Variants in PXT1 observed in about 807,000 individuals in gnomAD.
The protein encoded by PXT1 is peroxisomal testis enriched protein 1.
PXT1 carries 11 observed loss-of-function variants against 11.0 expected under a neutral mutation model. The ratio of observed to expected loss-of-function variants is 1.00; its 90% CI spans 0.63 to 1.66. The LOEUF (loss-of-function observed/expected upper bound fraction) is 1.66. Among genes scored for constraint, PXT1 ranks in the 40% most tolerant of loss-of-function variants. The probability of loss-of-function intolerance (pLI) is 0.00; values close to 1 mark genes in which losing one functional copy is unlikely to be tolerated. For missense variants in PXT1, 141 were observed against 155.5 expected (o/e 0.91, Z 0.49); for synonymous variants, 43 against 51.4 (o/e 0.84, Z 0.70).
At chr6:36,422,498 A>G (rs1438430434) in intron 3 of PXT1, among the ~76,000 whole-genome samples, 1 of 152,182 alleles carries the variant, frequency 6.6e-6, no homozygotes, top group Non-Finnish European at 1.5e-5. Context: ...TAACATTGAT[A>G]TGTGCAATTA....
chr6:36,441,987 T>C (rs1039712439), intron 1 of PXT1, among the ~76,000 whole-genome samples: 1 of 152,126 alleles, frequency 6.6e-6, no homozygotes, highest in African/African-American at 2.4e-5. Context: ...ATTTTAAAAT[T>C]TGTGCTATTA....
chr6:36,397,214 G>A (rs1054696339), intron 4 of PXT1, among the ~76,000 whole-genome samples: 5 of 152,118 alleles, frequency 3.3e-5, no homozygotes, highest in East Asian at 1.9e-4. Context: ...AGAGGTTTCC[G>A]GCCAGAAAAT....
chr6:36,423,535 C>G (rs893106548), intron 3 of PXT1, among the ~76,000 whole-genome samples: 7 of 152,224 alleles, frequency 4.6e-5, no homozygotes, highest in Admixed American at 4.6e-4. Context: ...CTGGCGGGAG[C>G]GGGAGTTAGG....
At chr6:36,400,267 C>T (rs1657279602) in intron 4 of PXT1, among the ~76,000 whole-genome samples, 187 bp downstream of exon 4, 1 of 152,170 alleles carries the variant, frequency 6.6e-6, no homozygotes, top group South Asian at 2.1e-4. Context: ...GTCTGAGTAG[C>T]AAGTATGAGA....
intron 3 of PXT1, among the ~76,000 whole-genome samples, chr6:36,403,229 T>C (rs1262816875): frequency 6.6e-6 from 1 of 152,242 alleles, no homozygotes; most frequent in East Asian, 1.9e-4. Flanking sequence ...TTTAGAGCAG[T>C]TGAGTAACTT....
At chr6:36,439,567 C>T (rs1774824819) in intron 1 of PXT1, among the ~76,000 whole-genome samples, 1 of 149,370 alleles carries the variant, frequency 6.7e-6, no homozygotes, top group African/African-American at 2.5e-5. Context: ...GAACAGAGAT[C>T]ACGCCATTGC....
chr6:36,438,755 G>A lies in PXT1; in HGVS notation c.-10+12C>T, dbSNP rs769796105. On this transcript the variant is annotated intron_variant, in intron 2 of 4. Coordinates refer to ENST00000454782, the MANE Select transcript of PXT1 (RefSeq NM_152990.4). ...GCAACACCATGTTTTAATGCAGTAA[G>A]TTCAGACTTACTTTTCCAAGTATGT... The A allele has an allele frequency of 3.3e-5, 5 of 152,284 alleles. No homozygotes were observed. The highest frequency in any genetic ancestry group is 6.5e-5 in the Admixed American group (1 of 15,298). The allele number at this position is 152,284 out of a possible 1,614,324, so 9.4% of individuals were successfully genotyped here. A position where few individuals can be genotyped will look rare whatever the true frequency, so the allele number is the denominator to read the frequency against.
chr6:36,402,860 A>G (rs1774232839), intron 3 of PXT1, among the ~76,000 whole-genome samples: 1 of 152,220 alleles, frequency 6.6e-6, no homozygotes, highest in Non-Finnish European at 1.5e-5. Flanking sequence ...CCCAATGCTC[A>G]GGCCTCTCTC....
At chr6:36,413,424 A>G (rs954516945) in intron 3 of PXT1, among the ~76,000 whole-genome samples, 2 of 150,554 alleles carry the variant, frequency 1.3e-5, no homozygotes, top group African/African-American at 2.4e-5. Context: ...CTCAAAAAAA[A>G]TAAGAAAGAA....
At chr6:36,429,503 C>CTTTT (rs1774658180) in intron 2 of PXT1, among the ~76,000 whole-genome samples, 7 of 104,216 alleles carry the variant, frequency 6.7e-5, no homozygotes, top group African/African-American at 1.3e-4. Context: ...TTCTTTTTTT[C>CTTTT]TTTTCTTTTT....
intron 4 of PXT1, among the ~76,000 whole-genome samples, chr6:36,392,184 T>A (rs910130211): frequency 2.6e-5 from 4 of 152,170 alleles, no homozygotes; most frequent in African/African-American, 9.7e-5. Context: ...CATGCCACCA[T>A]GTCTGGCTAA....
chr6:36,395,079 C>T (rs1372793319), intron 4 of PXT1, among the ~76,000 whole-genome samples: 1 of 152,054 alleles, frequency 6.6e-6, no homozygotes, highest in Non-Finnish European at 1.5e-5. Context: ...CTGGCCTCAG[C>T]CTCCCAACGT....
chr6:36,429,608 C>T (rs1774662113), intron 2 of PXT1, among the ~76,000 whole-genome samples: 2 of 146,912 alleles, frequency 1.4e-5, no homozygotes, highest in Admixed American at 1.4e-4. Flanking sequence ...CAGGTTCAAG[C>T]GATTCTTCTG....
rs1444553747 is a variant in PXT1 at position 36,391,608 on chromosome 6, G to A, written c.*162C>T. ...GCTCCTCCGAAGAGACAAATGGCTC[G>A]TGAACCCGCAGTTCTTCAACAAACT... is the stretch of plus-strand genomic sequence containing the variant. On this transcript the variant is annotated 3_prime_UTR_variant, in exon 5 of 5. Transcript: ENST00000454782. The A allele has an allele frequency of 1.8e-5, 12 of 648,696 alleles. No homozygotes were observed. Among genetic ancestry groups the A allele is most frequent in the Admixed American group, 5.7e-5 (2 of 35,266 alleles). 40.2% of individuals were successfully genotyped at this position (648,696 alleles called of 1,614,324 possible).
intron 3 of PXT1, among the ~76,000 whole-genome samples, chr6:36,401,970 A>G (rs1774221223): frequency 6.7e-6 from 1 of 148,906 alleles, no homozygotes; most frequent in Non-Finnish European, 1.5e-5. Flanking sequence ...ATATATATAT[A>G]TATGTATATA....
Position 36,426,074 on chromosome 6 carries a change from TTTC to T in PXT1, c.6_8del (p.Lys4del). On this transcript the variant is annotated inframe_deletion, in exon 3 of 5. Coordinates refer to ENST00000454782, the MANE Select transcript of PXT1 (RefSeq NM_152990.4). ...TTTCATAAACAATGCCATCATGTTT[TTTC>T]TTCATGTTTTTTCCCTGTTGAAAAA... 6.6e-7 allele frequency: 1 copy of T among 1,508,338 alleles called. No homozygotes were observed. Among genetic ancestry groups the T allele is most frequent in the Non-Finnish European group, 8.8e-7 (1 of 1,133,862 alleles). 93.4% of individuals were successfully genotyped at this position (1,508,338 alleles called of 1,614,324 possible). A position where few individuals can be genotyped will look rare whatever the true frequency, so the allele number is the denominator to read the frequency against.
rs955210693 is a variant in PXT1, at chr6:36,441,353, G to A, written c.-130+1182C>T. 1.4e-4 allele frequency among the ~76,000 whole-genome samples: 22 copies of A among 152,152 alleles called. 1 individual carries two copies. The highest frequency in any genetic ancestry group is 1.8e-4 in the Non-Finnish European group (12 of 68,042). On this transcript the variant is annotated intron_variant, in intron 1 of 4. Transcript: ENST00000454782. ...TATAACTCACTCAAATTGGTTTATA[G>A]CCATGTGTTTACTAAATCTTTTTTC...
chr6:36,435,205 G>A (rs1033445944), intron 2 of PXT1, among the ~76,000 whole-genome samples: 8 of 152,212 alleles, frequency 5.3e-5, no homozygotes, highest in Non-Finnish European at 8.8e-5. Flanking sequence ...TTGGGAGGCT[G>A]AGGAGGGAAG....
chr6:36,394,498 G>A (rs1561923551), intron 4 of PXT1, among the ~76,000 whole-genome samples: 1 of 152,092 alleles, frequency 6.6e-6, no homozygotes, highest in Non-Finnish European at 1.5e-5. Flanking sequence ...GTTAAATAAA[G>A]AGACTCTAAA....
Sources: allele counts gnomAD v4.1 joint callset (sites outside exome capture counted in the v4.1 genomes callset), GRCh38; gene constraint gnomAD v4.1.1; transcripts MANE v1.5; gene names NCBI Gene and HGNC (gene_info 2026-07-23, HGNC 2026-07-21).